CATSPERG: variants seen among roughly 807,000 people sequenced by gnomAD.
CATSPERG encodes the protein catsper channel auxiliary subunit gamma, also known as cation channel sperm-associated auxiliary subunit gamma.
In CATSPERG, 115 loss-of-function variants were observed where a neutral mutation model predicts 145.0. The ratio of observed to expected loss-of-function variants is 0.79; its 90% CI spans 0.68 to 0.93. The LOEUF (loss-of-function observed/expected upper bound fraction) is 0.93, where lower values mean the gene tolerates loss of function less well. Among genes scored for constraint, CATSPERG ranks in the 40% least tolerant of loss-of-function variants. CATSPERG has a pLI of 0.00. For synonymous variants in CATSPERG, 588 were observed against 589.0 expected, an observed-to-expected ratio of 1.00 and a Z score of 0.02; for missense variants, 1,296 against 1,490.1, an observed-to-expected ratio of 0.87 and a Z score of 2.14.
chr19:38,346,657 C>T (rs1422009558), intron 7 of CATSPERG, 52 bp downstream of exon 7: 3 of 1,493,762 alleles, frequency 2.0e-6, no homozygotes, highest in Non-Finnish European at 2.7e-6. Context: ...GGAGCTGGGC[C>T]TCAGCCCCTG....
At chr19:38,360,416 T>C (rs1970323466) in intron 14 of CATSPERG, 73 bp from the exon 15 acceptor site, 3 of 1,585,300 alleles carry the variant, frequency 1.9e-6, no homozygotes, top group Non-Finnish European at 2.6e-6. Context: ...GCCACCACAC[T>C]GGGCAGAGGG....
Position 38,362,724 on chromosome 19 carries a change from C to A in CATSPERG, c.2367C>A (p.Phe789Leu), listed in dbSNP as rs149645258. The A allele has an allele frequency of 2.5e-6, 4 of 1,614,020 alleles. No individual in the cohort carries two copies. The African/African-American group carries it at 5.3e-5, about 22-fold the overall frequency. ...FRTQSELGTA[F>L]QLHSQVDVGV... Reference sequence around the variant, plus strand: ...TACTGCCCGGAGCAGGCACCGCCTTCCAGCTGCATAGCCAGGTGGACGTGG... The same window carrying A: ...TACTGCCCGGAGCAGGCACCGCCTTACAGCTGCATAGCCAGGTGGACGTGG... The change falls in exon 20 of 29, where the codon TTC becomes TTA. Residue 789 changes from phenylalanine to leucine, a missense_variant. By Grantham distance (22) the Phe-to-Leu change is conservative (BLOSUM62 0). Coordinates refer to ENST00000409235, the MANE Select transcript of CATSPERG (RefSeq NM_021185.5).
chr19:38,337,093 G>T, intron 1 of CATSPERG, 128 bp from the exon 2 acceptor site: 1 of 1,170,836 alleles, frequency 8.5e-7, no homozygotes, highest in South Asian at 1.5e-5. Context: ...GCAGGGGCGG[G>T]GCCAGGAGCA....
chr19:38,340,244 A>G (rs1239465850), intron 3 of CATSPERG, among the ~76,000 whole-genome samples: 1 of 151,742 alleles, frequency 6.6e-6, no homozygotes, highest in Non-Finnish European at 1.5e-5. Flanking sequence ...TCTGGACTCA[A>G]TTCTATTCTA....
intron 24 of CATSPERG, 49 bp from the exon 25 acceptor site, chr19:38,367,632 A>G: frequency 6.2e-7 from 1 of 1,611,392 alleles, no homozygotes; most frequent in Non-Finnish European, 8.5e-7. Flanking sequence ...AGATGGGTGC[A>G]GGACTCGAGA....
At chr19:38,336,679 C>T in intron 1 of CATSPERG, 1 of 240,096 alleles carries the variant, frequency 4.2e-6, no homozygotes, top group South Asian at 4.4e-5. Context: ...GGTGGAAGTA[C>T]ACGGGTGCGA....
Position 38,352,273 on chromosome 19 carries a change from A to T in CATSPERG, c.838A>T (p.Ser280Cys). ...TGCTCCCCTGCAGCTGAGCATTGACAGTTGCTGGGTGGGCTCCTTCTACTG... is the reference window on the plus strand; with the variant it reads ...TGCTCCCCTGCAGCTGAGCATTGACTGTTGCTGGGTGGGCTCCTTCTACTG... The part of the protein sequence containing the change: ...DFSLVELSID[S>C]CWVGSFYCPH... The change falls in exon 8 of 29, where the codon AGT (serine) becomes TGT (cysteine). Residue 280 changes from serine to cysteine, a missense_variant. Physicochemically the swap from Ser to Cys is moderately radical, Grantham distance 112. Coordinates refer to ENST00000409235, the MANE Select transcript of CATSPERG (RefSeq NM_021185.5). 1.9e-6 allele frequency: 3 copies of T among 1,551,528 alleles called. No individual in the cohort carries two copies. The highest frequency in any genetic ancestry group is 2.6e-6 in the Non-Finnish European group (3 of 1,147,064).
chr19:38,355,016 G>T (rs187589806), intron 9 of CATSPERG, among the ~76,000 whole-genome samples, 169 bp downstream of exon 9: 1 of 152,140 alleles, frequency 6.6e-6, no homozygotes, highest in Non-Finnish European at 1.5e-5. Context: ...GGGCTTGGGG[G>T]TATGTTATGT....
At chr19:38,358,221 C>G (rs8106895) in intron 11 of CATSPERG, 57 bp from the exon 12 acceptor site, 341,666 of 1,573,516 alleles carry the variant, frequency 0.22, 40,615 homozygotes, top group East Asian at 0.38. Flanking sequence ...TGCTCCAGCT[C>G]CAGGTTTTGA....
At chr19:38,368,755 T>C (rs11083453) in intron 26 of CATSPERG, among the ~76,000 whole-genome samples, 9,834 of 152,172 alleles carry the variant, frequency 0.065, 573 homozygotes, top group East Asian at 0.17. Context: ...CTCTGCCTCC[T>C]GGGTTCAAGC....
chr19:38,362,407 G>A lies in CATSPERG; in HGVS notation c.2189G>A (p.Arg730Gln), dbSNP rs201400480. The A allele has an allele frequency of 1.2e-6, 2 of 1,614,156 alleles. No homozygotes were observed. The highest frequency in any genetic ancestry group is 1.7e-6 in the Non-Finnish European group (2 of 1,180,038). Residue 730 changes from arginine (R) to glutamine (Q), a missense_variant, in exon 19 of 29, where the codon CGA becomes CAA. Arg to Gln is a conservative substitution (Grantham distance 43). Coordinates refer to ENST00000409235, the MANE Select transcript of CATSPERG (RefSeq NM_021185.5). ...DYYFFLASNW[R>Q]SAGGVSIEMD... ...TACTTCTTCTTGGCGAGCAATTGGCGAAGCGCGGGCGGCGTGTCCATAGAA... is the reference window on the plus strand; with the variant it reads ...TACTTCTTCTTGGCGAGCAATTGGCAAAGCGCGGGCGGCGTGTCCATAGAA...
rs1430335336 is a variant in CATSPERG, at chr19:38,363,847, G to T, written c.2475+1015G>T. The stretch of plus-strand genomic sequence containing the variant: ...TTCCCAGTACAAAACAAAATGAAAA[G>T]TCTCCCATGTCTACTTCTTTCTACA... On this transcript the variant is annotated intron_variant, in intron 20 of 28. Coordinates refer to ENST00000409235, the MANE Select transcript of CATSPERG (RefSeq NM_021185.5). Among the ~76,000 whole-genome samples, 5 of 152,192 alleles carry T rather than the reference G, an allele frequency of 3.3e-5. No homozygotes were observed. In the East Asian group the frequency reaches 7.7e-4, roughly 23 times the overall value.
At chr19:38,352,771 G>A (rs576319360) in intron 8 of CATSPERG, among the ~76,000 whole-genome samples, 83 of 151,622 alleles carry the variant, frequency 5.5e-4, no homozygotes, top group South Asian at 1.0e-3. Context: ...ACCAGACGGG[G>A]AGAGAAAGTC....
At chr19:38,367,957 A>G in intron 25 of CATSPERG, 91 bp from the exon 26 acceptor site, 1 of 1,262,892 alleles carries the variant, frequency 7.9e-7, no homozygotes. Flanking sequence ...CCCTGCACCC[A>G]CCTGTGGCCT....
At chr19:38,343,454 C>T in intron 3 of CATSPERG, 126 bp from the exon 4 acceptor site, 1 of 840,282 alleles carries the variant, frequency 1.2e-6, no homozygotes, top group East Asian at 2.7e-5. Context: ...GTCCTCTGAC[C>T]ATCACATGGT....
At chr19:38,369,707 A>G in intron 26 of CATSPERG, 1 of 525,438 alleles carries the variant, frequency 1.9e-6, no homozygotes, top group Non-Finnish European at 3.5e-6. Context: ...ATAGATACAC[A>G]GCCTGTAATC....
intron 8 of CATSPERG, among the ~76,000 whole-genome samples, chr19:38,352,718 C>T (rs986371691): frequency 7.3e-5 from 11 of 150,100 alleles, no homozygotes; most frequent in Admixed American, 2.0e-4. Context: ...GGCAGACCCA[C>T]GCGTGTGCCC....
At chr19:38,341,449 C>T (rs763632055) in intron 3 of CATSPERG, among the ~76,000 whole-genome samples, 2 of 152,132 alleles carry the variant, frequency 1.3e-5, no homozygotes, top group Non-Finnish European at 2.9e-5. Flanking sequence ...GGGCCAGGGA[C>T]AGGTGTAGTT....
intron 5 of CATSPERG, 28 bp from the exon 6 acceptor site, chr19:38,344,268 C>T (rs1969988811): frequency 6.5e-7 from 1 of 1,549,416 alleles, no homozygotes; most frequent in Non-Finnish European, 8.7e-7. Flanking sequence ...TGGGACCTCA[C>T]CTGCGCCTAT....
Sources: allele counts gnomAD v4.1 joint callset (sites outside exome capture counted in the v4.1 genomes callset), GRCh38; gene constraint gnomAD v4.1.1; transcripts MANE v1.5; gene names NCBI Gene and HGNC (gene_info 2026-07-23, HGNC 2026-07-21).